ZNF235: variants seen among roughly 807,000 people sequenced by gnomAD.
ZNF235 encodes the protein zinc finger protein 235, also known as zfp-93.
Under a neutral mutation model 29.4 loss-of-function variants are expected in ZNF235, and 25 were observed. The ratio of observed to expected loss-of-function variants is 0.85; its 90% CI spans 0.62 to 1.19. The LOEUF (loss-of-function observed/expected upper bound fraction) is 1.19. ZNF235 is among the 50% of genes most tolerant of loss of function. The pLI is 0.00. For missense variants in ZNF235, 788 were observed against 885.0 expected (o/e 0.89, Z 1.39); for synonymous variants, 300 against 295.3 (o/e 1.02, Z -0.16).
chr19:44,295,470 A>G (rs1975642333), intron 4 of ZNF235, among the ~76,000 whole-genome samples: 1 of 152,108 alleles, frequency 6.6e-6, no homozygotes, highest in South Asian at 2.1e-4. Context: ...AAAACATCCC[A>G]TGTTCATGGA....
chr19:44,299,128 A>G (rs1975696661), intron 3 of ZNF235, among the ~76,000 whole-genome samples: 1 of 152,188 alleles, frequency 6.6e-6, no homozygotes, highest in Non-Finnish European at 1.5e-5. Context: ...TTTCTAATCA[A>G]TATCTGTTTT....
chr19:44,304,760 G>A (rs1975806549), intron 1 of ZNF235: 1 of 985,364 alleles, frequency 1.0e-6, no homozygotes, highest in African/African-American at 1.7e-5. Context: ...GGACGGCTAG[G>A]GCAGCAGACC....
At position 44,298,898 on chromosome 19, in the gene ZNF235, G is replaced by A; in HGVS notation, c.148C>T (p.Gln50Ter). ...NFRNLVSVGHQSFKPDMISQL... is the reference protein window; with the variant it reads ...NFRNLVSVGH Reference sequence around the variant, plus strand: ...GATATCATATCTGGTTTGAAGGACTGATGTCCTATAAAAAGATAGTATTTA... The same window carrying A: ...GATATCATATCTGGTTTGAAGGACTAATGTCCTATAAAAAGATAGTATTTA... Residue 50 changes from glutamine to a stop codon, truncating the protein, a stop_gained, in exon 4 of 5, where the codon CAG (glutamine) becomes TAG (stop). Coordinates refer to ENST00000291182, the MANE Select transcript of ZNF235 (RefSeq NM_004234.4). LOFTEE classifies it high-confidence loss of function. 2 of 1,609,042 alleles carry A rather than the reference G, an allele frequency of 1.2e-6. No individual in the cohort carries two copies. The highest frequency in any genetic ancestry group is 8.5e-7 in the Non-Finnish European group (1 of 1,176,008).
chr19:44,300,848 A>C (rs931239867), intron 2 of ZNF235, among the ~76,000 whole-genome samples: 2 of 152,066 alleles, frequency 1.3e-5, no homozygotes, highest in Non-Finnish European at 2.9e-5. Flanking sequence ...TCAAAAAAAA[A>C]AAAAAAAAAA....
At position 44,288,104 on chromosome 19, in the gene ZNF235, G is replaced by A. The variant is rs780462915; in HGVS notation, c.1331C>T (p.Ser444Leu). ...GDCGKRFSCS[S>L]NLHTHQRVHT... ...GACTCTCTGATGGGTATGAAGATTT[G>A]AGCTACAACTAAAGCGTTTACCACA... The change falls in exon 5 of 5, where the codon TCA (serine) becomes TTA (leucine). Residue 444 changes from serine to leucine, a missense_variant. Ser to Leu is a moderately radical substitution (Grantham distance 145, BLOSUM62 -2). Coordinates refer to ENST00000291182, the MANE Select transcript of ZNF235 (RefSeq NM_004234.4). 3 of 1,614,074 alleles carry A rather than the reference G, an allele frequency of 1.9e-6. No homozygotes were observed. The highest frequency in any genetic ancestry group is 2.2e-5 in the East Asian group (1 of 44,862).
At chr19:44,295,371 A>G (rs1975640804) in intron 4 of ZNF235, among the ~76,000 whole-genome samples, 1 of 152,192 alleles carries the variant, frequency 6.6e-6, no homozygotes, top group African/African-American at 2.4e-5. Flanking sequence ...ATACCTAGGA[A>G]TGTATTTAAC....
chr19:44,304,916 C>T, intron 1 of ZNF235, 55 bp downstream of exon 1: 1 of 985,498 alleles, frequency 1.0e-6, no homozygotes, highest in Non-Finnish European at 1.2e-6. Flanking sequence ...ATTGCTGGCC[C>T]CACGCCTAGG....
At chr19:44,296,877 T>G (rs1361685611) in intron 4 of ZNF235, among the ~76,000 whole-genome samples, 1 of 151,802 alleles carries the variant, frequency 6.6e-6, no homozygotes, top group Non-Finnish European at 1.5e-5. Context: ...TATGTGAAAA[T>G]TCAACAATAC....
Position 44,287,641 on chromosome 19 carries a change from T to A in ZNF235, c.1794A>T (p.Pro598=), listed in dbSNP as rs1307116289. The A allele has an allele frequency of 6.2e-7, 1 of 1,613,764 alleles. No individual in the cohort carries two copies. The highest frequency in any genetic ancestry group is 1.1e-5 in the South Asian group (1 of 91,072). ...GCTTCTGACATGCATCACACTTGAA[T>A]GGTTTTTCCCCAGTGTGGACGCTCT... is the stretch of plus-strand genomic sequence containing the variant. ...AHQSVHTGEK[P]FKCDACQKRF... Residue 598 remains proline (P), a synonymous_variant, in exon 5 of 5, where the codon CCA becomes CCT. Coordinates refer to ENST00000291182, the MANE Select transcript of ZNF235 (RefSeq NM_004234.4).
chr19:44,302,434 G>A (rs1975751320), intron 2 of ZNF235, among the ~76,000 whole-genome samples: 1 of 152,086 alleles, frequency 6.6e-6, no homozygotes, highest in African/African-American at 2.4e-5. Context: ...TATATATGTT[G>A]AGTGCAAATG....
At chr19:44,302,924 GTATGTATTTATA>G (rs1393872428) in intron 2 of ZNF235, among the ~76,000 whole-genome samples, 2 of 135,646 alleles carry the variant, frequency 1.5e-5, no homozygotes, top group African/African-American at 5.5e-5. Context: ...GTATATATTT[GTATGTATTTATA>G]TATACATATT....
At chr19:44,295,742 T>C (rs567224939) in intron 4 of ZNF235, among the ~76,000 whole-genome samples, 1 of 152,078 alleles carries the variant, frequency 6.6e-6, no homozygotes, top group South Asian at 2.1e-4. Context: ...TAAAAATAGA[T>C]ACACAGATCA....
At chr19:44,302,632 G>A (rs1172933768) in intron 2 of ZNF235, among the ~76,000 whole-genome samples, 3 of 151,288 alleles carry the variant, frequency 2.0e-5, no homozygotes, top group African/African-American at 7.3e-5. Flanking sequence ...GTGTGTGCCC[G>A]TGGTCCCACC....
In ZNF235 at chr19:44,299,623, C is replaced by T; in HGVS notation, c.125G>A (p.Arg42Lys). 1 of 1,614,094 alleles carries T rather than the reference C, an allele frequency of 6.2e-7. No homozygotes were observed. Among genetic ancestry groups the T allele is most frequent in the Non-Finnish European group, 8.5e-7 (1 of 1,179,968 alleles). ...LYRDVMLENF[R>K]NLVSVGHQSF... ...GTCCTTACCCACTGAAACCAGGTTC[C>T]TAAAGTTCTCCAGCATCACATCTCG... The change falls in exon 3 of 5, where the codon AGG becomes AAG. Residue 42 changes from arginine (R) to lysine (K), a missense_variant. Arg to Lys is a conservative substitution (Grantham distance 26, BLOSUM62 2). Transcript: ENST00000291182.
Position 44,287,450 on chromosome 19 carries a change from T to G in ZNF235, c.1985A>C (p.Lys662Thr), listed in dbSNP as rs759362115. The G allele has an allele frequency of 6.2e-7, 1 of 1,614,126 alleles. No individual in the cohort carries two copies. Among genetic ancestry groups the G allele is most frequent in the Admixed American group, 1.7e-5 (1 of 60,016 alleles). Residue 662 changes from lysine (K) to threonine (T), a missense_variant, in exon 5 of 5, where the codon AAA becomes ACA. Lys to Thr is a moderately conservative substitution (Grantham distance 78, BLOSUM62 -1). Transcript: ENST00000291182. Reference protein sequence around the residue: ...EKPFKCEECGKEFSWSAGLSA... With the variant: ...EKPFKCEECGTEFSWSAGLSA... ...GAGACCAGCACTCCAACTGAATTCTTTCCCACATTCCTCACATTTAAATGG... is the reference window on the plus strand; with the variant it reads ...GAGACCAGCACTCCAACTGAATTCTGTCCCACATTCCTCACATTTAAATGG...
intron 1 of ZNF235, among the ~76,000 whole-genome samples, chr19:44,303,803 A>G (rs982280834): frequency 6.6e-6 from 1 of 152,222 alleles, no homozygotes; most frequent in Admixed American, 6.5e-5. Context: ...ACTGATCAGC[A>G]GTATAAACCT....
chr19:44,304,295 A>C (rs1242416801), intron 1 of ZNF235, among the ~76,000 whole-genome samples: 9 of 152,240 alleles, frequency 5.9e-5, no homozygotes, highest in African/African-American at 2.2e-4. Context: ...AACATTTATT[A>C]GGGCCTCAGG....
chr19:44,298,836 C>T lies in ZNF235; in HGVS notation c.210G>A (p.Glu70=), dbSNP rs371866623. The change falls in exon 4 of 5, where the codon GAG becomes GAA. Residue 70 remains glutamate (E), a synonymous_variant. Coordinates refer to ENST00000291182, the MANE Select transcript of ZNF235 (RefSeq NM_004234.4). ...LEREEKLWMK[E]LQTQRGKHSG... ...AATGCTTACCTCTTTGGGTTTGAAG[C>T]TCCTTCATCCAAAGCTTTTCTTCCC... The T allele has an allele frequency of 7.4e-6, 12 of 1,613,934 alleles. No homozygotes were observed. The highest frequency in any genetic ancestry group is 1.0e-5 in the Non-Finnish European group (12 of 1,179,908).
chr19:44,303,684 G>A (rs1351611543), intron 1 of ZNF235, among the ~76,000 whole-genome samples: 2 of 152,144 alleles, frequency 1.3e-5, no homozygotes, highest in Non-Finnish European at 1.5e-5. Context: ...AGCTCTCTGT[G>A]TACTCCTTCT....
Sources: gnomAD v4.1 joint callset for allele counts (sites outside exome capture counted in the v4.1 genomes callset) on GRCh38, gnomAD v4.1.1 for gene constraint, MANE v1.5 for transcripts, NCBI Gene and HGNC (gene_info 2026-07-23, HGNC 2026-07-21) for gene names.